The following OR51B5 variants were observed in gnomAD, a reference collection of about 807,000 sequenced individuals.
OR51B5 encodes olfactory receptor 51B5.
For missense variants in OR51B5, 456 were observed against 374.6 expected (o/e 1.22, Z -1.79); for synonymous variants, 186 against 144.8 (o/e 1.28, Z -2.04).
At chr11:5,364,210 A>T (rs1406941141) in intron 1 of OR51B5, among the ~76,000 whole-genome samples, 2 of 152,230 alleles carry the variant, frequency 1.3e-5, no homozygotes, top group African/African-American at 4.8e-5. Context: ...ACAAACTTTA[A>T]GTTCAAAAAG....
rs892762442 is a variant in OR51B5 at position 5,427,902 on chromosome 11, A to T, written n.84+77667T>A. ...TATGGTGAATATTAAAATAGTTTTA[A>T]ATATAAATATACAGTGCATGGTCAA... is the stretch of plus-strand genomic sequence containing the variant. On this transcript the variant is annotated intron_variant and non_coding_transcript_variant, in intron 1 of 4. Transcript: ENST00000415970. 9.9e-5 allele frequency among the ~76,000 whole-genome samples: 15 copies of T among 152,190 alleles called. 1 individual carries two copies. The highest frequency in any genetic ancestry group is 9.2e-4 in the Admixed American group (14 of 15,282).
chr11:5,476,555 C>A (rs1264294141), intron 1 of OR51B5, among the ~76,000 whole-genome samples: 1 of 152,168 alleles, frequency 6.6e-6, no homozygotes, highest in Non-Finnish European at 1.5e-5. Context: ...TCTCTTAGGT[C>A]TCCAGCCTAA....
chr11:5,349,979 C>A (rs1356361364), intron 1 of OR51B5, among the ~76,000 whole-genome samples: 1 of 152,026 alleles, frequency 6.6e-6, no homozygotes, highest in Non-Finnish European at 1.5e-5. Context: ...CTCCTAAAAA[C>A]CCCATCATCA....
chr11:5,455,540 A>C, intron 1 of OR51B5: 1 of 71,884 alleles, frequency 1.4e-5, no homozygotes, highest in African/African-American at 4.0e-5. Flanking sequence ...AAAGAGAGCG[A>C]GGGATTGGGG....
At chr11:5,399,870 C>T (rs959467320) in intron 1 of OR51B5, among the ~76,000 whole-genome samples, 1 of 152,006 alleles carries the variant, frequency 6.6e-6, no homozygotes, top group African/African-American at 2.4e-5. Context: ...AAGTATCAGT[C>T]AAGATTTGTT....
chr11:5,444,229 A>G (rs1850732030), intron 1 of OR51B5, among the ~76,000 whole-genome samples: 2 of 134,058 alleles, frequency 1.5e-5, no homozygotes, highest in Admixed American at 7.9e-5. Context: ...ATTGACAACT[A>G]CATTGTTAAA....
At chr11:5,464,897 C>T (rs1293159882) in intron 1 of OR51B5, among the ~76,000 whole-genome samples, 1 of 152,152 alleles carries the variant, frequency 6.6e-6, no homozygotes, top group Non-Finnish European at 1.5e-5. Context: ...GTTTACAGTC[C>T]CACCAACAGT....
chr11:5,421,288 G>A (rs1173138020), intron 1 of OR51B5, among the ~76,000 whole-genome samples: 1 of 152,202 alleles, frequency 6.6e-6, no homozygotes, highest in Non-Finnish European at 1.5e-5. Context: ...TACCGCACCT[G>A]CTCTCTGAGC....
intron 1 of OR51B5, among the ~76,000 whole-genome samples, chr11:5,478,905 G>A (rs1232350199): frequency 2.0e-5 from 3 of 151,016 alleles, no homozygotes; most frequent in Non-Finnish European, 3.0e-5. Context: ...TGAAAGTGAT[G>A]AGGAGAATGG....
chr11:5,402,705 A>G, intron 1 of OR51B5: 1 of 471,256 alleles, frequency 2.1e-6, no homozygotes, highest in South Asian at 1.5e-5. Context: ...CTTCTCCCTG[A>G]TATACATCAT....
chr11:5,505,301 G>A, intron 1 of OR51B5: 1 of 1,296,670 alleles, frequency 7.7e-7, no homozygotes, highest in Non-Finnish European at 1.0e-6. Context: ...ATGGAAATTT[G>A]GGGTTCAATG....
intron 1 of OR51B5, among the ~76,000 whole-genome samples, chr11:5,404,914 T>C: frequency 6.6e-6 from 1 of 152,142 alleles, no homozygotes; most frequent in East Asian, 1.9e-4. Context: ...TCTAGACACA[T>C]CTGAACATCT....
intron 1 of OR51B5, among the ~76,000 whole-genome samples, chr11:5,377,091 A>G (rs1349588993): frequency 6.6e-6 from 1 of 152,166 alleles, no homozygotes; most frequent in Non-Finnish European, 1.5e-5. Flanking sequence ...ATCCAGCAGC[A>G]CATCAAAAAG....
rs141090592 is a variant in OR51B5 at position 5,422,859 on chromosome 11, A to G, written n.85-75949T>C. On this transcript the variant is annotated intron_variant and non_coding_transcript_variant, in intron 1 of 4. Coordinates refer to the OR51B5 transcript ENST00000415970. Reference sequence around the variant, plus strand: ...GATCCTCTGCTCATTGTGATCTCCTATACACTTATTCTGAAAAATATCTTG... The same window carrying G: ...GATCCTCTGCTCATTGTGATCTCCTGTACACTTATTCTGAAAAATATCTTG... 8 of 1,614,044 alleles carry G rather than the reference A, an allele frequency of 5.0e-6. No homozygotes were observed. In the East Asian group the frequency reaches 8.9e-5, roughly 18 times the overall value.
At chr11:5,461,773 A>G (rs546975399) in intron 1 of OR51B5, among the ~76,000 whole-genome samples, 12 of 152,186 alleles carry the variant, frequency 7.9e-5, no homozygotes, top group African/African-American at 2.4e-4. Context: ...CTACATGCCT[A>G]TGTTTCTCAT....
At chr11:5,403,423 C>G (rs1850005702) in intron 1 of OR51B5, 1 of 471,310 alleles carries the variant, frequency 2.1e-6, no homozygotes, top group Admixed American at 2.3e-5. Context: ...CTGCTGCAAG[C>G]CATGATGGCC....
chr11:5,402,622 G>A, intron 1 of OR51B5: 1 of 471,164 alleles, frequency 2.1e-6, no homozygotes, highest in Non-Finnish European at 4.4e-6. Context: ...AACTCTTTGG[G>A]GTTTTTACCT....
chr11:5,364,773 C>G (rs1467661251), intron 1 of OR51B5, among the ~76,000 whole-genome samples: 1 of 152,178 alleles, frequency 6.6e-6, no homozygotes, highest in Non-Finnish European at 1.5e-5. Flanking sequence ...AGGGTCCCCC[C>G]ACCCTCTTCC....
intron 1 of OR51B5, among the ~76,000 whole-genome samples, chr11:5,501,900 C>T (rs1344627405): frequency 8.2e-6 from 1 of 122,102 alleles, no homozygotes; most frequent in Non-Finnish European, 2.0e-5. Context: ...ATTTCTTCTA[C>T]TGCTATCCCT....
Sources: gnomAD v4.1 joint callset for allele counts (sites outside exome capture counted in the v4.1 genomes callset) on GRCh38, gnomAD v4.1.1 for gene constraint, MANE v1.5 for transcripts, NCBI Gene and HGNC (gene_info 2026-07-23, HGNC 2026-07-21) for gene names.